EDA: variants seen among roughly 807,000 people sequenced by gnomAD.
EDA encodes ectodysplasin-A.
A neutral mutation model predicts 23.6 loss-of-function variants in EDA; 2 were observed. That is an observed-to-expected ratio of 0.08 (90% CI 0.03 to 0.27). The LOEUF (loss-of-function observed/expected upper bound fraction) is 0.27. Among genes scored for constraint, EDA ranks in the 10% least tolerant of loss-of-function variants. EDA has a pLI of 1.00. For missense variants in EDA, 229 were observed against 324.2 expected (o/e 0.71, Z 2.26); for synonymous variants, 131 against 132.0 (o/e 0.99, Z 0.05).
rs2020294756 is a variant in EDA at position 70,038,632 on chromosome X, TC to T, written c.*3028del. The T allele has an allele frequency of 9.0e-6, 1 of 111,687 alleles. No homozygotes were observed. The highest frequency in any genetic ancestry group is 1.9e-5 in the Non-Finnish European group (1 of 53,107). The allele number at this position is 111,687 out of a possible 1,213,427, so 9.2% of individuals were successfully genotyped here. A position where few individuals can be genotyped will look rare whatever the true frequency, so the allele number is the denominator to read the frequency against. On this transcript the variant is annotated 3_prime_UTR_variant, in exon 8 of 8. Transcript: ENST00000374552. ...CCTGGAGAAGTAGTATTTGCCTATT[TC>T]CCCCTTCATCCATCCTGAGCCAAAT...
At chrX:69,794,277 G>A (rs1461588879) in intron 1 of EDA, among the ~76,000 whole-genome samples, 2 of 111,439 alleles carry the variant, frequency 1.8e-5, no homozygotes, top group Admixed American at 9.6e-5. Context: ...GTAGGACATT[G>A]TAGGCCATAG....
intron 1 of EDA, among the ~76,000 whole-genome samples, chrX:69,813,421 T>G: frequency 8.9e-6 from 1 of 111,911 alleles, no homozygotes; most frequent in East Asian, 2.8e-4. Flanking sequence ...CTCTGAGGCC[T>G]TCTTTGGCAG....
intron 1 of EDA, among the ~76,000 whole-genome samples, chrX:69,805,723 T>G (rs2015798583): frequency 8.9e-6 from 1 of 111,764 alleles, no homozygotes; most frequent in Non-Finnish European, 1.9e-5. Context: ...CTGATTGAAA[T>G]TAAGCAGCTG....
At chrX:69,801,214 T>C (rs1392579843) in intron 1 of EDA, among the ~76,000 whole-genome samples, 3 of 111,254 alleles carry the variant, frequency 2.7e-5, no homozygotes, top group Non-Finnish European at 5.7e-5. Context: ...AGGGTCTTGC[T>C]CTATCGCCCA....
chrX:70,004,507 T>G (rs1218628235), intron 2 of EDA, among the ~76,000 whole-genome samples: 1 of 112,385 alleles, frequency 8.9e-6, no homozygotes, highest in African/African-American at 3.2e-5. Flanking sequence ...TCTTTGAAGC[T>G]AATGGCTTCT....
chrX:69,694,883 C>A (rs1398478910), intron 1 of EDA, among the ~76,000 whole-genome samples: 1 of 111,518 alleles, frequency 9.0e-6, no homozygotes, highest in Admixed American at 9.5e-5. Context: ...TTGAATAAGC[C>A]CAGTTAGTTT....
chrX:69,782,366 TAAAAAAAAAAA>T (rs751293381), intron 1 of EDA, among the ~76,000 whole-genome samples: 9 of 65,473 alleles, frequency 1.4e-4, no homozygotes, highest in South Asian at 1.0e-3. Context: ...TAAATGCTCT[TAAAAAAAAAAA>T]AAAAAAAAAA....
intron 1 of EDA, among the ~76,000 whole-genome samples, chrX:69,829,362 G>A (rs910439887): frequency 1.8e-5 from 2 of 111,944 alleles, no homozygotes; most frequent in African/African-American, 3.2e-5. Flanking sequence ...TCAGGTATTT[G>A]GATGTCCAAG....
At chrX:69,721,575 T>C (rs1251307428) in intron 1 of EDA, among the ~76,000 whole-genome samples, 1 of 110,910 alleles carries the variant, frequency 9.0e-6, no homozygotes, top group African/African-American at 3.3e-5. Flanking sequence ...TCCCAATTGA[T>C]CCACCGTGCT....
intron 1 of EDA, among the ~76,000 whole-genome samples, chrX:69,898,120 G>T (rs996290122): frequency 9.0e-6 from 1 of 111,720 alleles, no homozygotes; most frequent in Non-Finnish European, 1.9e-5. Context: ...TTCTCAGAGG[G>T]TCTAGAAATT....
At chrX:69,622,700 ATG>A (rs1382820889) in intron 1 of EDA, among the ~76,000 whole-genome samples, 1 of 111,255 alleles carries the variant, frequency 9.0e-6, no homozygotes, top group African/African-American at 3.3e-5. Context: ...TTTAATTTTA[ATG>A]TGTTTAATTT....
intron 1 of EDA, among the ~76,000 whole-genome samples, chrX:69,858,730 A>G (rs2017313664): frequency 8.9e-6 from 1 of 112,019 alleles, no homozygotes; most frequent in Non-Finnish European, 1.9e-5. Context: ...TGGTATTCAG[A>G]TGATGCTAGC....
chrX:69,836,455 C>A (rs902470368), intron 1 of EDA, among the ~76,000 whole-genome samples: 1 of 112,543 alleles, frequency 8.9e-6, no homozygotes, highest in African/African-American at 3.2e-5. Flanking sequence ...ACGCCCCTCC[C>A]CCAGCCAGGC....
chrX:69,957,592 C>G (rs2019031853), intron 2 of EDA: 1 of 127,437 alleles, frequency 7.8e-6, no homozygotes. Context: ...CCTAACCTAC[C>G]AATCAGTCCT....
intron 2 of EDA, among the ~76,000 whole-genome samples, chrX:70,018,717 C>A (rs2147497436): frequency 9.0e-6 from 1 of 111,269 alleles, no homozygotes; most frequent in South Asian, 3.8e-4. Context: ...AATTTAAAAC[C>A]CAAAACTATA....
chrX:69,868,265 T>A (rs765274180), intron 1 of EDA, among the ~76,000 whole-genome samples: 2 of 112,136 alleles, frequency 1.8e-5, no homozygotes, highest in Non-Finnish European at 3.8e-5. Context: ...TGAACTTCAC[T>A]CAAAACTGGC....
At chrX:69,868,078 C>G (rs1464521941) in intron 1 of EDA, among the ~76,000 whole-genome samples, 2 of 111,559 alleles carry the variant, frequency 1.8e-5, no homozygotes, top group East Asian at 5.7e-4. Context: ...GGGCCTTGCT[C>G]CAAAATCCTA....
rs1412276243 is a variant in EDA, at chrX:70,027,900, CCCAGGACCT to C, written c.579_587del (p.Pro194_Pro196del). 2.6e-6 allele frequency: 3 copies of C among 1,133,436 alleles called. No homozygotes were observed. Among genetic ancestry groups the C allele is most frequent in the Non-Finnish European group, 3.6e-6 (3 of 836,968 alleles). 93.4% of individuals were successfully genotyped at this position (1,133,436 alleles called of 1,213,427 possible). On this transcript the variant is annotated inframe_deletion, in exon 4 of 8. Coordinates refer to ENST00000374552, the MANE Select transcript of EDA (RefSeq NM_001399.5). Reference sequence around the variant, plus strand: ...CTGGACCCAATGGCCCTCCAGGACCCCCAGGACCTCCAGGACCCCAGGGACCCCCAGGAA... The same window carrying C: ...CTGGACCCAATGGCCCTCCAGGACCCCCAGGACCCCAGGGACCCCCAGGAA...
chrX:69,906,340 A>G (rs946710073), intron 1 of EDA, among the ~76,000 whole-genome samples: 2 of 112,529 alleles, frequency 1.8e-5, no homozygotes, highest in Non-Finnish European at 3.7e-5. Context: ...CCTCCTTTCT[A>G]TCTCCCAGAA....
Sources: gnomAD v4.1 joint callset for allele counts (sites outside exome capture counted in the v4.1 genomes callset) on GRCh38, gnomAD v4.1.1 for gene constraint, MANE v1.5 for transcripts, NCBI Gene and HGNC (gene_info 2026-07-23, HGNC 2026-07-21) for gene names.